Variants in APCDD1L observed in about 807,000 individuals in gnomAD.
The protein encoded by APCDD1L is APC down-regulated 1 like.
APCDD1L carries 21 observed loss-of-function variants against 24.2 expected under a neutral mutation model. The ratio of observed to expected loss-of-function variants is 0.87; its 90% CI spans 0.61 to 1.25. The LOEUF (loss-of-function observed/expected upper bound fraction) is 1.25. Ranked by LOEUF, APCDD1L falls within the 50% of genes most tolerant of loss-of-function variation. The pLI, the probability that APCDD1L is intolerant of heterozygous loss-of-function variation, is 0.00. For synonymous variants in APCDD1L, 321 were observed against 323.6 expected (o/e 0.99, Z 0.09); for missense variants, 704 against 711.7 (o/e 0.99, Z 0.12).
chr20:58,467,074 C>T lies in APCDD1L; in HGVS notation c.741+32G>A, dbSNP rs1311762745. The T allele has an allele frequency of 1.9e-6, 3 of 1,561,386 alleles. No individual in the cohort carries two copies. The highest frequency in any genetic ancestry group is 2.6e-6 in the Non-Finnish European group (3 of 1,156,710). On this transcript the variant is annotated intron_variant, in intron 3 of 3. Transcript: ENST00000371149. The surrounding 1 kb of genome is among the most constrained non-coding windows in gnomAD (Gnocchi z 5.9). The stretch of plus-strand genomic sequence containing the variant: ...AGCTCGCCTCCCCGAGACCACCACC[C>T]CCCTCTCCCACACCCCAACACACAC...
In APCDD1L at chr20:58,460,756, G is replaced by A. The variant is rs375415854; in HGVS notation, c.*34C>T. 3.3e-6 allele frequency: 5 copies of A among 1,509,384 alleles called. No homozygotes were observed. The highest frequency in any genetic ancestry group is 4.4e-6 in the Non-Finnish European group (5 of 1,129,342). 93.5% of individuals were successfully genotyped at this position (1,509,384 alleles called of 1,614,324 possible). ...AGGGAGTCTGAAGGGTTGAATGGGT[G>A]TCCAGAGCCGCCATCCTGATGTCAA... On this transcript the variant is annotated 3_prime_UTR_variant, in exon 4 of 4. Transcript: ENST00000371149. The surrounding 1 kb of genome is among the most constrained non-coding windows in gnomAD (Gnocchi z 4.2).
At chr20:58,477,205 C>T (rs1432849516) in intron 1 of APCDD1L, among the ~76,000 whole-genome samples, 7 of 152,212 alleles carry the variant, frequency 4.6e-5, no homozygotes, top group South Asian at 2.1e-4. Flanking sequence ...GTGTTCTTAA[C>T]GAGTCTACAG....
At chr20:58,503,534 T>C (rs1469010308) in intron 1 of APCDD1L, among the ~76,000 whole-genome samples, 1 of 152,244 alleles carries the variant, frequency 6.6e-6, no homozygotes, top group Non-Finnish European at 1.5e-5. Context: ...TACAGCCATG[T>C]CGTGCTCTCC....
At chr20:58,476,043 C>T (rs1989903727) in intron 1 of APCDD1L, among the ~76,000 whole-genome samples, 3 of 152,216 alleles carry the variant, frequency 2.0e-5, no homozygotes, top group Admixed American at 1.3e-4. Flanking sequence ...TTCCCAGGTA[C>T]TGGGGGTTAG....
At position 58,467,498 on chromosome 20, in the gene APCDD1L, A is replaced by G; in HGVS notation, c.349T>C (p.Trp117Arg). The change falls in exon 3 of 4, where the codon TGG becomes CGG. Residue 117 changes from tryptophan to arginine, a missense_variant. Transcript: ENST00000371149. The surrounding 1 kb of genome is among the most constrained non-coding windows in gnomAD (Gnocchi z 5.9). ...GCCTCGGTGGCTCCCCGGGTGACCC[A>G]GGAGGCCCGGCGCAGGCGGACTTTG... ...KGKVRLRRAS[W>R]VTRGATEADY... The G allele has an allele frequency of 6.2e-7, 1 of 1,600,348 alleles. No individual in the cohort carries two copies. The highest frequency in any genetic ancestry group is 8.5e-7 in the Non-Finnish European group (1 of 1,173,686).
chr20:58,481,227 G>T (rs1355889558), intron 1 of APCDD1L, among the ~76,000 whole-genome samples: 1 of 152,236 alleles, frequency 6.6e-6, no homozygotes, highest in East Asian at 1.9e-4. Context: ...GTGTATCTGG[G>T]AGTCTCCCGT....
At chr20:58,488,582 T>C (rs1326662014) in intron 1 of APCDD1L, among the ~76,000 whole-genome samples, 1 of 152,240 alleles carries the variant, frequency 6.6e-6, no homozygotes, top group Non-Finnish European at 1.5e-5. Context: ...AACATTTCTA[T>C]GTGTTTGGAA....
At position 58,461,749 on chromosome 20, in the gene APCDD1L, G is replaced by A; in HGVS notation, c.742-195C>T. On this transcript the variant is annotated intron_variant, in intron 3 of 3. Transcript: ENST00000371149. This position sits in a 1 kb window ranked among gnomAD's most constrained non-coding sequence, Gnocchi z 6.0. ...TTCAGCCAGGATGGCCTCCTTGATG[G>A]AGGTCAGCCCCTGTATCCCCCGGGC... 2.1e-6 allele frequency: 1 copy of A among 487,018 alleles called. No homozygotes were observed. The highest frequency in any genetic ancestry group is 3.3e-6 in the Non-Finnish European group (1 of 302,914). 30.2% of individuals were successfully genotyped at this position (487,018 alleles called of 1,614,324 possible).
At position 58,460,496 on chromosome 20, in the gene APCDD1L, T is replaced by G; in HGVS notation, c.*294A>C. 11 of 262,984 alleles carry G rather than the reference T, an allele frequency of 4.2e-5. No individual in the cohort carries two copies. Among genetic ancestry groups the G allele is most frequent in the East Asian group, 1.4e-4 (2 of 14,626 alleles). 16.3% of individuals were successfully genotyped at this position (262,984 alleles called of 1,614,324 possible). ...GCACCTGTTGGCGAGCTGCCAAGGA[T>G]GAGGAAAGTAGAAAAATTGGGAGTG... On this transcript the variant is annotated 3_prime_UTR_variant, in exon 4 of 4. Transcript: ENST00000371149. This position sits in a 1 kb window ranked among gnomAD's most constrained non-coding sequence, Gnocchi z 4.2.
chr20:58,514,658 C>T lies in APCDD1L; in HGVS notation c.49+1G>A. ...GCCGGGTGGGGGAGGGTGGCACCTACCTCCCAAAAGCACCAGGACGCAAGC... is the reference window on the plus strand; with the variant it reads ...GCCGGGTGGGGGAGGGTGGCACCTATCTCCCAAAAGCACCAGGACGCAAGC... On this transcript the variant is annotated splice_donor_variant, in intron 1 of 3. Coordinates refer to ENST00000371149, the MANE Select transcript of APCDD1L (RefSeq NM_153360.3). LOFTEE classifies it high-confidence loss of function. The T allele has an allele frequency of 1.5e-6, 2 of 1,314,716 alleles. No homozygotes were observed. The highest frequency in any genetic ancestry group is 5.6e-5 in the East Asian group (2 of 35,668). The allele number at this position is 1,314,716 out of a possible 1,614,324, so 81.4% of individuals were successfully genotyped here.
intron 1 of APCDD1L, among the ~76,000 whole-genome samples, chr20:58,502,789 C>T (rs943285131): frequency 4.0e-5 from 6 of 151,872 alleles, no homozygotes; most frequent in African/African-American, 9.7e-5. Flanking sequence ...GAATATGTTT[C>T]GCCCACTTAA....
chr20:58,480,804 A>G (rs189340425), intron 1 of APCDD1L, among the ~76,000 whole-genome samples: 424 of 152,292 alleles, frequency 2.8e-3, no homozygotes, highest in Middle Eastern at 0.014. Context: ...TGGCCTCATG[A>G]TAATGCTAAT....
Position 58,460,888 on chromosome 20 carries a change from G to T in APCDD1L, c.1408C>A (p.Pro470Thr). Residue 470 changes from proline to threonine, a missense_variant, in exon 4 of 4, where the codon CCA (proline) becomes ACA (threonine). Transcript: ENST00000371149. The surrounding 1 kb of genome is among the most constrained non-coding windows in gnomAD (Gnocchi z 4.2). ...PDFSRPPQHR[P>T]SLQKHPSTGG... Reference sequence around the variant, plus strand: ...GTGCTGGGGTGCTTCTGCAGCGATGGCCTGTGCTGCGGTGGCCTGGAGAAG... The same window carrying T: ...GTGCTGGGGTGCTTCTGCAGCGATGTCCTGTGCTGCGGTGGCCTGGAGAAG... 1 of 1,602,640 alleles carries T rather than the reference G, an allele frequency of 6.2e-7. No individual in the cohort carries two copies. The highest frequency in any genetic ancestry group is 1.3e-5 in the African/African-American group (1 of 74,718).
chr20:58,464,827 CT>C (rs1192875752), intron 3 of APCDD1L, among the ~76,000 whole-genome samples: 3 of 151,218 alleles, frequency 2.0e-5, no homozygotes, highest in African/African-American at 7.3e-5. Flanking sequence ...GCAATTCCTT[CT>C]TTGAAATTAT....
chr20:58,508,038 G>A lies in APCDD1L; in HGVS notation c.49+6621C>T, dbSNP rs1990553518. On this transcript the variant is annotated intron_variant, in intron 1 of 3. Transcript: ENST00000371149. This position sits in a 1 kb window ranked among gnomAD's most constrained non-coding sequence, Gnocchi z 4.0. ...CTCCTAGGTCACCCATGGGGGTGGT[G>A]CTGGTACAACTCATTTGGAAAAAAA... Among the ~76,000 whole-genome samples, 1 of 152,260 alleles carries A rather than the reference G, an allele frequency of 6.6e-6. No individual in the cohort carries two copies. Among genetic ancestry groups the A allele is most frequent in the Non-Finnish European group, 1.5e-5 (1 of 68,050 alleles).
rs747902711 is a variant in APCDD1L, at chr20:58,515,058, A to G, written c.-351T>C. ...CCGTCCCCTGGCCGTCGCCTTCCCC[A>G]AAGTCTTCGCAGTGGGCAAGGAGGC... On this transcript the variant is annotated 5_prime_UTR_variant, in exon 1 of 4. Coordinates refer to ENST00000371149, the MANE Select transcript of APCDD1L (RefSeq NM_153360.3). 4.2e-5 allele frequency: 9 copies of G among 212,084 alleles called. No homozygotes were observed. Among genetic ancestry groups the G allele is most frequent in the Non-Finnish European group, 7.0e-5 (8 of 113,570 alleles). 13.1% of individuals were successfully genotyped at this position (212,084 alleles called of 1,614,324 possible). A position where few individuals can be genotyped will look rare whatever the true frequency, so the allele number is the denominator to read the frequency against.
rs765106656 is a variant in APCDD1L, at chr20:58,467,160, C to T, written c.687G>A (p.Ala229=). 1.9e-6 allele frequency: 3 copies of T among 1,607,866 alleles called. No homozygotes were observed. The highest frequency in any genetic ancestry group is 2.2e-5 in the East Asian group (1 of 44,844). ...LYLGDIHTDP[A]ERRHYRPTGY... ...CCGTGGGCCGGTAGTGCCGCCTCTCCGCCGGGTCGGTGTGGATGTCCCCCA... is the reference window on the plus strand; with the variant it reads ...CCGTGGGCCGGTAGTGCCGCCTCTCTGCCGGGTCGGTGTGGATGTCCCCCA... Residue 229 remains alanine, a synonymous_variant, in exon 3 of 4, where the codon GCG becomes GCA. Transcript: ENST00000371149. This position sits in a 1 kb window ranked among gnomAD's most constrained non-coding sequence, Gnocchi z 5.9.
At chr20:58,489,730 A>G (rs1471950848) in intron 1 of APCDD1L, among the ~76,000 whole-genome samples, 1 of 152,064 alleles carries the variant, frequency 6.6e-6, no homozygotes, top group African/African-American at 2.4e-5. Context: ...AGTTTTACAT[A>G]AACTCGTCCA....
intron 1 of APCDD1L, chr20:58,513,862 C>T (rs1348924034): frequency 7.7e-7 from 1 of 1,302,060 alleles, no homozygotes; most frequent in South Asian, 1.2e-5. Context: ...GCTTCCCAGC[C>T]AGGTGGTCTA....
Sources: gnomAD v4.1 joint callset for allele counts (sites outside exome capture counted in the v4.1 genomes callset) on GRCh38, gnomAD v4.1.1 for gene constraint, Gnocchi (gnomAD v3.1) non-coding constraint, MANE v1.5 for transcripts, NCBI Gene and HGNC (gene_info 2026-07-23, HGNC 2026-07-21) for gene names.